Variants in GALNS observed in about 807,000 individuals in gnomAD.
GALNS encodes N-acetylgalactosamine-6-sulfatase.
In GALNS, 65 loss-of-function variants were observed where a neutral mutation model predicts 65.9. The ratio of observed to expected loss-of-function variants is 0.99; its 90% CI spans 0.81 to 1.21. GALNS has a LOEUF of 1.21. Ranked by LOEUF, GALNS falls within the 50% of genes most tolerant of loss-of-function variation. The probability of loss-of-function intolerance (pLI) is 0.00; values close to 1 mark genes in which losing one functional copy is unlikely to be tolerated. For synonymous variants in GALNS, 346 were observed against 288.9 expected (o/e 1.20, Z -2.00); for missense variants, 776 against 700.7 (o/e 1.11, Z -1.21).
chr16:88,851,048 G>T (rs1967485729), intron 1 of GALNS, among the ~76,000 whole-genome samples: 1 of 147,634 alleles, frequency 6.8e-6, no homozygotes, highest in African/African-American at 2.4e-5. Flanking sequence ...GTCCCAGGCT[G>T]CTGGGCCAGC....
chr16:88,834,504 C>T (rs1239036105), intron 8 of GALNS, among the ~76,000 whole-genome samples: 1 of 139,372 alleles, frequency 7.2e-6, no homozygotes, highest in Non-Finnish European at 1.6e-5. Flanking sequence ...CCCCCCTCAG[C>T]GTGGTCTGGG....
chr16:88,821,125 C>A (rs1021464247), intron 12 of GALNS, among the ~76,000 whole-genome samples: 14 of 152,264 alleles, frequency 9.2e-5, no homozygotes, highest in African/African-American at 3.4e-4. Flanking sequence ...AACATATGAC[C>A]ATGAACTGGG....
rs748194485 is a variant in GALNS at position 88,822,553 on chromosome 16, C to T, written c.1364+36G>A. On this transcript the variant is annotated intron_variant, in intron 12 of 13. Transcript: ENST00000268695. ...TGCATTTGGGGGAGTCCGGCTGGCA[C>T]TGCCTCAGCAGCCAGGAGGCCCTGC... The T allele has an allele frequency of 1.1e-5, 18 of 1,611,160 alleles. No individual in the cohort carries two copies. The South Asian group carries it at 1.2e-4, about 11-fold the overall frequency.
chr16:88,854,398 A>T (rs1036866899), intron 1 of GALNS, among the ~76,000 whole-genome samples: 9 of 152,158 alleles, frequency 5.9e-5, no homozygotes, highest in Non-Finnish European at 1.2e-4. Flanking sequence ...CTCCACTGTG[A>T]GCTTCTGTGG....
intron 1 of GALNS, among the ~76,000 whole-genome samples, chr16:88,850,811 G>A (rs149327040): frequency 4.0e-4 from 61 of 152,354 alleles, no homozygotes; most frequent in African/African-American, 1.3e-3. Context: ...CTGGCAGTGC[G>A]GCCGCCTCTG....
intron 12 of GALNS, among the ~76,000 whole-genome samples, chr16:88,820,202 C>T (rs1910061149): frequency 6.6e-6 from 1 of 152,094 alleles, no homozygotes; most frequent in African/African-American, 2.4e-5. Flanking sequence ...GATCTCAGCT[C>T]ACTGCAACCT....
At chr16:88,836,547 G>C (rs1463569846) in intron 5 of GALNS, among the ~76,000 whole-genome samples, 2 of 152,192 alleles carry the variant, frequency 1.3e-5, no homozygotes, top group East Asian at 3.9e-4. Flanking sequence ...CCAGCTACTT[G>C]AGAGGCTGAG....
At chr16:88,840,670 C>T (rs1445659380) in intron 4 of GALNS, 4 of 420,490 alleles carry the variant, frequency 9.5e-6, no homozygotes, top group East Asian at 1.1e-4. Context: ...CCTCCAAGGA[C>T]GACGTGGCAG....
At chr16:88,848,336 T>C (rs1967347719) in intron 1 of GALNS, among the ~76,000 whole-genome samples, 1 of 151,942 alleles carries the variant, frequency 6.6e-6, no homozygotes, top group Non-Finnish European at 1.5e-5. Context: ...AAAGCGGCTA[T>C]AAAAGAATGA....
chr16:88,825,706 T>C (rs1597544641), intron 10 of GALNS, among the ~76,000 whole-genome samples: 1 of 151,966 alleles, frequency 6.6e-6, no homozygotes, highest in Non-Finnish European at 1.5e-5. Flanking sequence ...GACAAGAGGA[T>C]AAGCAGGCGG....
intron 8 of GALNS, among the ~76,000 whole-genome samples, chr16:88,833,236 C>T (rs571532221): frequency 2.0e-4 from 31 of 152,308 alleles, no homozygotes; most frequent in African/African-American, 7.0e-4. Context: ...GGCAGCTCTG[C>T]TCAGAGCCCC....
intron 13 of GALNS, among the ~76,000 whole-genome samples, chr16:88,817,755 G>A (rs1367680656): frequency 6.6e-6 from 1 of 152,226 alleles, no homozygotes; most frequent in African/African-American, 2.4e-5. Context: ...CAGCCAGGCA[G>A]AGGCCCGGGT....
chr16:88,855,518 A>G, intron 1 of GALNS: 1 of 702,678 alleles, frequency 1.4e-6, no homozygotes, highest in Non-Finnish European at 2.6e-6. Flanking sequence ...TCTGGAAAGC[A>G]GTCACTGCAC....
chr16:88,816,129 T>A lies in GALNS; in HGVS notation c.1483-1604A>T, dbSNP rs189132227. 2.9e-4 allele frequency: 289 copies of A among 984,300 alleles called. 1 individual carries two copies. In the African/African-American group the frequency reaches 4.6e-3, roughly 16 times the overall value. The allele number at this position is 984,300 out of a possible 1,614,324, so 61.0% of individuals were successfully genotyped here. ...AGCTCGCCAGGTCTGAGTTGGCACT[T>A]TTCCCCCTGCAGAGAGCACAGGTGT... On this transcript the variant is annotated intron_variant, in intron 13 of 13. Transcript: ENST00000268695.
intron 1 of GALNS, among the ~76,000 whole-genome samples, chr16:88,854,080 TA>T (rs1460013918): frequency 6.6e-6 from 1 of 152,092 alleles, no homozygotes; most frequent in Non-Finnish European, 1.5e-5. Context: ...GAGGACTGGA[TA>T]GGGGGAGACT....
At chr16:88,853,761 G>A (rs184679619) in intron 1 of GALNS, among the ~76,000 whole-genome samples, 50 of 152,256 alleles carry the variant, frequency 3.3e-4, no homozygotes, top group African/African-American at 5.5e-4. Context: ...GCCAGGCCGC[G>A]CTGGACCGTG....
chr16:88,816,671 A>C (rs915458870), intron 13 of GALNS: 1 of 985,308 alleles, frequency 1.0e-6, no homozygotes, highest in Non-Finnish European at 1.2e-6. Flanking sequence ...CTCTCCTGTT[A>C]CATCCGCCGG....
In GALNS at chr16:88,834,606, C is replaced by A. The variant is rs74035856; in HGVS notation, c.898+607G>T. On this transcript the variant is annotated intron_variant, in intron 8 of 13. Transcript: ENST00000268695. ...TCTGGGAAGAGGCTGTAGGGCCCCC[C>A]CCGTGTGGTCTGGGAAGAGGCTGCA... is the stretch of plus-strand genomic sequence containing the variant. Among the ~76,000 whole-genome samples, 31 of 128,854 alleles carry A rather than the reference C, an allele frequency of 2.4e-4. 1 individual carries two copies. The highest frequency in any genetic ancestry group is 5.0e-3 in the Middle Eastern group (1 of 200). The allele number at this position is 128,854 out of a possible 152,430, so 84.5% of individuals were successfully genotyped here.
At chr16:88,820,981 A>G (rs1910150924) in intron 12 of GALNS, among the ~76,000 whole-genome samples, 1 of 152,068 alleles carries the variant, frequency 6.6e-6, no homozygotes, top group African/African-American at 2.4e-5. Flanking sequence ...CTGCGGGCAC[A>G]GGGGGCTCCC....
Sources: allele counts gnomAD v4.1 joint callset (sites outside exome capture counted in the v4.1 genomes callset), GRCh38; gene constraint gnomAD v4.1.1; transcripts MANE v1.5; gene names NCBI Gene and HGNC (gene_info 2026-07-23, HGNC 2026-07-21).